The following C4BPB variants were observed in gnomAD, a reference collection of about 807,000 sequenced individuals.
C4BPB encodes the protein C4b-binding protein beta chain.
C4BPB carries 19 observed loss-of-function variants against 26.6 expected under a neutral mutation model. The ratio of observed to expected loss-of-function variants is 0.71; its 90% CI spans 0.50 to 1.05. The LOEUF (loss-of-function observed/expected upper bound fraction) is 1.05, where lower values mean the gene tolerates loss of function less well. Ranked by LOEUF, C4BPB falls within the 50% of genes least tolerant of loss-of-function variation. The pLI is 0.00. For synonymous variants in C4BPB, 118 were observed against 103.5 expected, an observed-to-expected ratio of 1.14 and a Z score of -0.85; for missense variants, 282 against 302.9, an observed-to-expected ratio of 0.93 and a Z score of 0.51.
intron 3 of C4BPB, among the ~76,000 whole-genome samples, chr1:207,090,709 G>A (rs1683993148): frequency 6.6e-6 from 1 of 152,042 alleles, no homozygotes; most frequent in Non-Finnish European, 1.5e-5. Flanking sequence ...CCCTCTATGG[G>A]AAAGAAATAA....
Position 207,096,506 on chromosome 1 carries a change from T to C in C4BPB, c.410-16T>C, listed in dbSNP as rs544034013. On this transcript the variant is annotated splice_polypyrimidine_tract_variant and intron_variant, in intron 4 of 6. Coordinates refer to ENST00000367078, the MANE Select transcript of C4BPB (RefSeq NM_001017365.3). ...CTGGCCCTCATAACTATGACTTCTA[T>C]ACTCGTTTCTCTCAGGGGACTGTGA... The C allele has an allele frequency of 1.0e-5, 15 of 1,505,862 alleles. No homozygotes were observed. The highest frequency in any genetic ancestry group is 2.3e-5 in the South Asian group (2 of 88,724). The allele number at this position is 1,505,862 out of a possible 1,614,324, so 93.3% of individuals were successfully genotyped here.
intron 4 of C4BPB, among the ~76,000 whole-genome samples, chr1:207,094,309 TAA>T (rs535584743): frequency 2.2e-5 from 3 of 138,984 alleles, no homozygotes. Context: ...GGCCTGTCTC[TAA>T]AAAAAAAAAA....
At chr1:207,092,359 T>G (rs1226133818) in intron 4 of C4BPB, among the ~76,000 whole-genome samples, 1 of 152,166 alleles carries the variant, frequency 6.6e-6, no homozygotes, top group Non-Finnish European at 1.5e-5. Flanking sequence ...CCATTTTGTG[T>G]GTATGTATAT....
chr1:207,090,354 C>A lies in C4BPB; in HGVS notation c.105C>A (p.Val35=). 1 of 1,613,656 alleles carries A rather than the reference C, an allele frequency of 6.2e-7. No individual in the cohort carries two copies. Among genetic ancestry groups the A allele is most frequent in the Non-Finnish European group, 8.5e-7 (1 of 1,179,800 alleles). Residue 35 remains valine (V), a synonymous_variant, in exon 3 of 7, where the codon GTC becomes GTA. Transcript: ENST00000367078. ...ELPPVDNSIF[V]AKEVEGQILG... ...CTCCAGTGGACAATAGCATATTTGT[C>A]GCAAAGGAGGTGGAAGGACAGATTC...
intron 4 of C4BPB, among the ~76,000 whole-genome samples, chr1:207,094,744 G>A (rs1158794083): frequency 6.6e-6 from 1 of 152,056 alleles, no homozygotes; most frequent in Non-Finnish European, 1.5e-5. Flanking sequence ...AACAACTCCT[G>A]GAAATTCTTC....
chr1:207,096,898 G>A (rs746442192), intron 5 of C4BPB, among the ~76,000 whole-genome samples: 2 of 152,350 alleles, frequency 1.3e-5, no homozygotes, highest in Middle Eastern at 3.4e-3. Context: ...TTGGCTGGGC[G>A]TGATGGCTCA....
intron 6 of C4BPB, among the ~76,000 whole-genome samples, chr1:207,099,229 A>G (rs1684373438): frequency 6.6e-6 from 1 of 152,212 alleles, no homozygotes; most frequent in African/African-American, 2.4e-5. Context: ...GTCAACCTAG[A>G]TCCCTCGCAT....
rs1313541538 is a variant in C4BPB, at chr1:207,098,142, C to G, written c.504-8C>G. 1 of 1,608,840 alleles carries G rather than the reference C, an allele frequency of 6.2e-7. No individual in the cohort carries two copies. The highest frequency in any genetic ancestry group is 1.3e-5 in the African/African-American group (1 of 74,822). ...GAAAAGCTAAGCCTTGTTCTAATTT[C>G]TGTTCAGGTACTACTTAGTGGGCGT... On this transcript the variant is annotated splice_polypyrimidine_tract_variant and splice_region_variant and intron_variant, in intron 5 of 6. Coordinates refer to ENST00000367078, the MANE Select transcript of C4BPB (RefSeq NM_001017365.3).
rs547470709 is a variant in C4BPB at position 207,089,694 on chromosome 1, C to A, written c.58+105C>A. ...TTAAGGAAGTTTACATTTATAATATCTTTATTCTTCTATTGAAAAATCTCA... is the reference window on the plus strand; with the variant it reads ...TTAAGGAAGTTTACATTTATAATATATTTATTCTTCTATTGAAAAATCTCA... On this transcript the variant is annotated intron_variant, in intron 2 of 6. Coordinates refer to ENST00000367078, the MANE Select transcript of C4BPB (RefSeq NM_001017365.3). The A allele has an allele frequency of 3.5e-4, 318 of 903,732 alleles. 4 individuals carry two copies. In the South Asian group the frequency reaches 4.4e-3, roughly 13 times the overall value. 56.0% of individuals were successfully genotyped at this position (903,732 alleles called of 1,614,324 possible).
At chr1:207,098,308 C>T (rs1684340349) in intron 6 of C4BPB, 44 bp downstream of exon 6, 1 of 1,173,008 alleles carries the variant, frequency 8.5e-7, no homozygotes. Flanking sequence ...GCTGGATCTC[C>T]AGGGCCTGGC....
In C4BPB at chr1:207,090,417, A is replaced by G. The variant is rs763304077; in HGVS notation, c.168A>G (p.Val56=). ...TYVCIKGYHL[V]GKKTLFCNAS... ...TTTGTATCAAGGGCTACCACCTGGT[A>G]GGAAAGAAGACCCTTTTTTGCAATG... The change falls in exon 3 of 7, where the codon GTA becomes GTG. Residue 56 remains valine (V), a synonymous_variant. Coordinates refer to ENST00000367078, the MANE Select transcript of C4BPB (RefSeq NM_001017365.3). 4.6e-5 allele frequency: 74 copies of G among 1,614,032 alleles called. No individual in the cohort carries two copies. The highest frequency in any genetic ancestry group is 6.0e-5 in the Non-Finnish European group (71 of 1,179,980).
At chr1:207,091,455 G>C (rs1684021063) in intron 3 of C4BPB, among the ~76,000 whole-genome samples, 189 bp from the exon 4 acceptor site, 3 of 152,294 alleles carry the variant, frequency 2.0e-5, no homozygotes, top group South Asian at 2.1e-4. Flanking sequence ...CTTTTGGGCT[G>C]TACTTAGGTC....
chr1:207,091,136 TC>T (rs1433057112), intron 3 of C4BPB, among the ~76,000 whole-genome samples: 1 of 152,218 alleles, frequency 6.6e-6, no homozygotes, highest in Non-Finnish European at 1.5e-5. Flanking sequence ...GCATTAGTTC[TC>T]TTGTATACCT....
intron 4 of C4BPB, 148 bp from the exon 5 acceptor site, chr1:207,096,368 AGATCCC>A: frequency 1.6e-6 from 1 of 640,180 alleles, no homozygotes; most frequent in Non-Finnish European, 2.8e-6. Flanking sequence ...ACAGGTTTCC[AGATCCC>A]GCAGGTGTTG....
In C4BPB at chr1:207,091,731, G is replaced by C; in HGVS notation, c.320G>C (p.Cys107Ser). 1 of 1,614,020 alleles carries C rather than the reference G, an allele frequency of 6.2e-7. No individual in the cohort carries two copies. Among genetic ancestry groups the C allele is most frequent in the Non-Finnish European group, 8.5e-7 (1 of 1,179,950 alleles). The change falls in exon 4 of 7, where the codon TGC becomes TCC. Residue 107 changes from cysteine (C) to serine (S), a missense_variant. Cys to Ser is a moderately radical substitution (Grantham distance 112, BLOSUM62 -1). Coordinates refer to ENST00000367078, the MANE Select transcript of C4BPB (RefSeq NM_001017365.3). ...VNVSDKITFM[C>S]NDHYILKGSN... The stretch of plus-strand genomic sequence containing the variant: ...GTAAGTGACAAAATCACGTTTATGT[G>C]CAATGACCACTACATCCTCAAGGGC...
chr1:207,094,011 G>C (rs1030852703), intron 4 of C4BPB, among the ~76,000 whole-genome samples: 1 of 152,118 alleles, frequency 6.6e-6, no homozygotes, highest in Non-Finnish European at 1.5e-5. Flanking sequence ...CATTACAAAT[G>C]ATTATAGAAC....
At chr1:207,092,194 C>T (rs1211118019) in intron 4 of C4BPB, among the ~76,000 whole-genome samples, 1 of 152,182 alleles carries the variant, frequency 6.6e-6, no homozygotes. Flanking sequence ...AAATTATCTA[C>T]AAGAGGCTAA....
At chr1:207,095,790 G>C in intron 4 of C4BPB, 2 of 233,962 alleles carry the variant, frequency 8.5e-6, no homozygotes, top group Non-Finnish European at 1.7e-5. Context: ...CATCTCCCTA[G>C]GTACTGTCCT....
intron 5 of C4BPB, chr1:207,097,681 CT>C (rs1433384752): frequency 6.5e-6 from 1 of 154,910 alleles, no homozygotes; most frequent in East Asian, 1.9e-4. Flanking sequence ...GCATTTCGAT[CT>C]CGTTATATAC....
Sources: gnomAD v4.1 joint callset for allele counts (sites outside exome capture counted in the v4.1 genomes callset) on GRCh38, gnomAD v4.1.1 for gene constraint, MANE v1.5 for transcripts, NCBI Gene and HGNC (gene_info 2026-07-23, HGNC 2026-07-21) for gene names.